Variants in RLIG1 observed in about 807,000 individuals in gnomAD.
RLIG1 encodes RNA 5'-phosphate and 3'-OH ligase 1.
At chr12:88,035,705 G>GA in the RLIG1 span, 1 of 1,607,006 alleles carries the variant, frequency 6.2e-7, no homozygotes. Flanking sequence ...TGACGGAGGT[G>GA]AAAGAGGAGC....
the RLIG1 span, among the ~76,000 whole-genome samples, chr12:88,040,691 TC>T: frequency 6.6e-6 from 1 of 152,186 alleles, no homozygotes; most frequent in Non-Finnish European, 1.5e-5. Flanking sequence ...GGGGCTTTAT[TC>T]CTCTTGGCAG....
At chr12:88,049,265 T>C in the RLIG1 span, 4 of 1,609,920 alleles carry the variant, frequency 2.5e-6, no homozygotes, top group Non-Finnish European at 2.5e-6. Context: ...TTAATTCAAC[T>C]CCCAATTGTT....
chr12:88,036,046 G>A, the RLIG1 span: 1 of 1,427,902 alleles, frequency 7.0e-7, no homozygotes, highest in South Asian at 1.2e-5. Flanking sequence ...TTTCAGGTCA[G>A]CACCTTTTGG....
At chr12:88,037,946 GA>G in the RLIG1 span, among the ~76,000 whole-genome samples, 1 of 152,010 alleles carries the variant, frequency 6.6e-6, no homozygotes, top group African/African-American at 2.4e-5. Flanking sequence ...CCTGACAGTA[GA>G]AAAACCATAA....
At chr12:88,037,016 A>C in the RLIG1 span, among the ~76,000 whole-genome samples, 1 of 152,226 alleles carries the variant, frequency 6.6e-6, no homozygotes, top group East Asian at 1.9e-4. Flanking sequence ...AACAGCTTAC[A>C]GTATCGTTTA....
At chr12:88,049,149 A>AAAT in the RLIG1 span, 3 of 1,257,854 alleles carry the variant, frequency 2.4e-6, no homozygotes, top group Admixed American at 2.2e-5. Flanking sequence ...TAAAGTTAAT[A>AAAT]AATAGTTAAA....
chr12:88,037,197 A>G, the RLIG1 span, among the ~76,000 whole-genome samples: 1 of 152,072 alleles, frequency 6.6e-6, no homozygotes, highest in Non-Finnish European at 1.5e-5. Flanking sequence ...ACTCTGGATC[A>G]CCTCTAGAGT....
chr12:88,043,830 C>T, the RLIG1 span: 1 of 720,010 alleles, frequency 1.4e-6, no homozygotes. Flanking sequence ...ATGTATAGCA[C>T]AGAATTTCTG....
At chr12:88,048,878 C>A in the RLIG1 span, 3 of 209,852 alleles carry the variant, frequency 1.4e-5, no homozygotes, top group Non-Finnish European at 2.8e-5. Flanking sequence ...ATATAAACTC[C>A]AATTTTAAAT....
chr12:88,049,319 C>G, the RLIG1 span: 1 of 1,591,598 alleles, frequency 6.3e-7, no homozygotes, highest in Admixed American at 1.7e-5. Context: ...TATTCTTCTT[C>G]ACTTCTTCCT....
the RLIG1 span, chr12:88,049,527 T>C: frequency 1.5e-6 from 1 of 648,618 alleles, no homozygotes; most frequent in South Asian, 1.9e-5. Context: ...AATGGTCAAA[T>C]ACAGCAATAA....
chr12:88,047,451 T>G, the RLIG1 span, among the ~76,000 whole-genome samples: 13 of 152,248 alleles, frequency 8.5e-5, no homozygotes, highest in African/African-American at 3.1e-4. Flanking sequence ...TGGGCCTAGT[T>G]GTAACTCTCT....
At chr12:88,045,683 G>A in the RLIG1 span, 1 of 1,613,174 alleles carries the variant, frequency 6.2e-7, no homozygotes. Flanking sequence ...TCATCCTGAT[G>A]ATTCTGGACT....
chr12:88,040,364 G>A, the RLIG1 span: 1 of 630,146 alleles, frequency 1.6e-6, no homozygotes, highest in Non-Finnish European at 2.6e-6. Context: ...ATAAACACTT[G>A]GAAACCTAAG....
chr12:88,049,940 ATCACTAGCTAAT>A, the RLIG1 span: 1 of 162,916 alleles, frequency 6.1e-6, no homozygotes, highest in Non-Finnish European at 1.3e-5. Flanking sequence ...ATAGCCAGTG[ATCACTAGCTAAT>A]TCTCATATCC....
the RLIG1 span, chr12:88,046,658 G>T: frequency 8.9e-6 from 6 of 673,220 alleles, no homozygotes; most frequent in South Asian, 2.1e-5. Flanking sequence ...AGGTGCCAGT[G>T]CACTGGGTTA....
At chr12:88,040,785 A>G in the RLIG1 span, among the ~76,000 whole-genome samples, 1 of 100,844 alleles carries the variant, frequency 9.9e-6, no homozygotes, top group African/African-American at 3.2e-5. Flanking sequence ...GAAGAAATGT[A>G]CGGAAAAGAG....
the RLIG1 span, among the ~76,000 whole-genome samples, chr12:88,041,462 T>C: frequency 1.3e-5 from 2 of 152,196 alleles, no homozygotes; most frequent in Non-Finnish European, 2.9e-5. Context: ...TACTGGATGA[T>C]ATGGAAATTC....
the RLIG1 span, chr12:88,036,202 G>A: frequency 1.7e-6 from 1 of 596,278 alleles, no homozygotes; most frequent in African/African-American, 2.0e-5. Context: ...TTAGGTCACT[G>A]AAGTTCACAC....
Sources: allele counts gnomAD v4.1 joint callset (sites outside exome capture counted in the v4.1 genomes callset), GRCh38; gene constraint gnomAD v4.1.1; transcripts MANE v1.5; gene names NCBI Gene and HGNC (gene_info 2026-07-23, HGNC 2026-07-21).